TRMT9B: variants seen among roughly 807,000 people sequenced by gnomAD.
TRMT9B encodes probable tRNA methyltransferase 9B.
A neutral mutation model predicts 11.5 loss-of-function variants in TRMT9B; 16 were observed. The observed-to-expected ratio is 1.39, with a 90% CI of 0.94 to 2.11. The LOEUF (loss-of-function observed/expected upper bound fraction) is 2.11, where lower values mean the gene tolerates loss of function less well. Ranked by LOEUF, TRMT9B falls within the 30% of genes most tolerant of loss-of-function variation. TRMT9B has a pLI of 0.00. For synonymous variants in TRMT9B, 274 were observed against 192.4 expected (o/e 1.42, Z -3.51); for missense variants, 941 against 553.8 (o/e 1.70, Z -7.02).
chr8:13,009,854 C>T (rs1165133275), intron 3 of TRMT9B, among the ~76,000 whole-genome samples: 1 of 152,060 alleles, frequency 6.6e-6, no homozygotes, highest in African/African-American at 2.4e-5. Flanking sequence ...ATAGGCCAGG[C>T]GCGGTATCTC....
At chr8:13,015,478 A>G (rs1023929344) in intron 4 of TRMT9B, among the ~76,000 whole-genome samples, 8 of 152,072 alleles carry the variant, frequency 5.3e-5, no homozygotes, top group Non-Finnish European at 1.2e-4. Context: ...CAGCCTCCCA[A>G]GTAGCTGGGA....
chr8:12,982,428 G>A (rs1011678914), intron 1 of TRMT9B, among the ~76,000 whole-genome samples: 11 of 152,282 alleles, frequency 7.2e-5, no homozygotes, highest in Non-Finnish European at 1.5e-4. Flanking sequence ...TTGGGATGCC[G>A]AGGTAGGTGG....
intron 1 of TRMT9B, among the ~76,000 whole-genome samples, chr8:12,990,147 A>G (rs1807078620): frequency 6.6e-6 from 1 of 152,206 alleles, no homozygotes. Context: ...AGTGATAAGG[A>G]AACTAGGAAA....
chr8:12,946,098 T>A (rs1383163129), intron 1 of TRMT9B, 132 bp downstream of exon 1: 2 of 152,216 alleles, frequency 1.3e-5, no homozygotes, highest in African/African-American at 2.4e-5. Context: ...CCATTGCTTT[T>A]CTCACAGACT....
intron 1 of TRMT9B, among the ~76,000 whole-genome samples, chr8:12,969,442 C>T (rs892084082): frequency 6.6e-6 from 1 of 152,082 alleles, no homozygotes; most frequent in African/African-American, 2.4e-5. Flanking sequence ...CCCCCACACC[C>T]CTGTACTAAA....
At chr8:13,018,457 T>C (rs890965939) in intron 4 of TRMT9B, among the ~76,000 whole-genome samples, 3 of 151,482 alleles carry the variant, frequency 2.0e-5, no homozygotes, top group Admixed American at 1.3e-4. Context: ...AAATTCTGAA[T>C]GTTGATGTAT....
chr8:13,007,033 C>G (rs1688656990), intron 3 of TRMT9B: 1 of 152,330 alleles, frequency 6.6e-6, no homozygotes, highest in Non-Finnish European at 1.5e-5. Context: ...CAAAACGGAC[C>G]TGACATTGAT....
intron 1 of TRMT9B, chr8:12,952,727 T>G: frequency 1.0e-6 from 1 of 972,924 alleles, no homozygotes. Context: ...ATGATATTAC[T>G]TGCTATGTGT....
chr8:13,020,114 T>A (rs1813538938), intron 4 of TRMT9B, among the ~76,000 whole-genome samples: 1 of 152,226 alleles, frequency 6.6e-6, no homozygotes, highest in Non-Finnish European at 1.5e-5. Context: ...GTTGGATTAT[T>A]TTGACCCTTA....
At chr8:12,975,039 T>C (rs1804229574) in intron 1 of TRMT9B, among the ~76,000 whole-genome samples, 1 of 151,510 alleles carries the variant, frequency 6.6e-6, no homozygotes, top group Admixed American at 6.6e-5. Context: ...TTTTTTTAGT[T>C]GAGATATTGA....
chr8:12,956,552 T>A (rs1801336718), intron 1 of TRMT9B, among the ~76,000 whole-genome samples: 1 of 152,242 alleles, frequency 6.6e-6, no homozygotes, highest in Non-Finnish European at 1.5e-5. Context: ...AATGATTGTT[T>A]AAAAATTATT....
rs1752148040 is a variant in TRMT9B, at chr8:13,027,654, C to G, written c.*5610C>G. ...TAATGACAAGTAATTCCCACATTCC[C>G]TAGATATATACTTGGATTTCAAATG... is the stretch of plus-strand genomic sequence containing the variant. On this transcript the variant is annotated 3_prime_UTR_variant, in exon 5 of 5. Coordinates refer to ENST00000524591, the MANE Select transcript of TRMT9B (RefSeq NM_020844.3). 6.0e-6 allele frequency: 1 copy of G among 167,014 alleles called. No individual in the cohort carries two copies. The highest frequency in any genetic ancestry group is 2.4e-5 in the African/African-American group (1 of 41,418). The allele number at this position is 167,014 out of a possible 1,614,324, so 10.3% of individuals were successfully genotyped here.
In TRMT9B at chr8:13,024,573, C is replaced by G. The variant is rs545147894; in HGVS notation, c.*2529C>G. 26 of 167,178 alleles carry G rather than the reference C, an allele frequency of 1.6e-4. No individual in the cohort carries two copies. The highest frequency in any genetic ancestry group is 6.3e-4 in the African/African-American group (26 of 41,574). The allele number at this position is 167,178 out of a possible 1,614,324, so 10.4% of individuals were successfully genotyped here. ...TCCTCTCTTTCTGCTGCTAGCCTACCAGTTAAAAGTCAAGACTTGGTGGAA... is the reference window on the plus strand; with the variant it reads ...TCCTCTCTTTCTGCTGCTAGCCTACGAGTTAAAAGTCAAGACTTGGTGGAA... On this transcript the variant is annotated 3_prime_UTR_variant, in exon 5 of 5. Coordinates refer to ENST00000524591, the MANE Select transcript of TRMT9B (RefSeq NM_020844.3).
At chr8:12,961,596 G>C (rs941785121) in intron 1 of TRMT9B, 1 of 151,588 alleles carries the variant, frequency 6.6e-6, no homozygotes, top group South Asian at 2.1e-4. Context: ...AGCTACCTGA[G>C]AGGCTGAGGC....
intron 1 of TRMT9B, among the ~76,000 whole-genome samples, chr8:12,988,210 C>A (rs1374263703): frequency 6.6e-6 from 1 of 152,138 alleles, no homozygotes; most frequent in Non-Finnish European, 1.5e-5. Context: ...CTTGAGGGAG[C>A]CTTCACTCCC....
intron 3 of TRMT9B, chr8:13,012,201 G>A (rs969495757): frequency 1.2e-5 from 12 of 985,000 alleles, no homozygotes; most frequent in Non-Finnish European, 1.2e-5. Flanking sequence ...ATGAGAATCT[G>A]TAAGTATTCG....
chr8:12,992,085 G>C (rs561318548), intron 2 of TRMT9B, among the ~76,000 whole-genome samples: 3 of 152,326 alleles, frequency 2.0e-5, no homozygotes, highest in East Asian at 1.9e-4. Flanking sequence ...AGCTTGTACA[G>C]AGTAAAGTAT....
chr8:12,969,055 T>C (rs879683539), intron 1 of TRMT9B, among the ~76,000 whole-genome samples: 1 of 152,014 alleles, frequency 6.6e-6, no homozygotes, highest in Admixed American at 6.5e-5. Context: ...CTACTAATAA[T>C]AGAAAATATT....
chr8:12,960,744 A>C, intron 1 of TRMT9B, among the ~76,000 whole-genome samples: 1 of 152,358 alleles, frequency 6.6e-6, no homozygotes, highest in East Asian at 1.9e-4. Context: ...CAGCTAATTG[A>C]CATATGCAAA....
Sources: allele counts gnomAD v4.1 joint callset (sites outside exome capture counted in the v4.1 genomes callset), GRCh38; gene constraint gnomAD v4.1.1; transcripts MANE v1.5; gene names NCBI Gene and HGNC (gene_info 2026-07-23, HGNC 2026-07-21).